Variants in PJA2 observed in about 807,000 individuals in gnomAD.
PJA2 encodes E3 ubiquitin-protein ligase Praja-2.
A neutral mutation model predicts 69.3 loss-of-function variants in PJA2; 25 were observed. The ratio of observed to expected loss-of-function variants is 0.36; its 90% CI spans 0.26 to 0.50. The LOEUF is 0.50. Ranked by LOEUF, PJA2 falls within the 20% of genes least tolerant of loss-of-function variation. The pLI is 0.96. For synonymous variants in PJA2, 308 were observed against 277.8 expected, an observed-to-expected ratio of 1.11 and a Z score of -1.08; for missense variants, 809 against 830.2, an observed-to-expected ratio of 0.97 and a Z score of 0.31.
chr5:109,356,029 G>GAAAA lies in PJA2; in HGVS notation c.1653-7_1653-4dup. 7.2e-7 allele frequency: 1 copy of GAAAA among 1,386,512 alleles called. No individual in the cohort carries two copies. The highest frequency in any genetic ancestry group is 1.5e-5 in the African/African-American group (1 of 66,820). The allele number at this position is 1,386,512 out of a possible 1,614,324, so 85.9% of individuals were successfully genotyped here. A position where few individuals can be genotyped will look rare whatever the true frequency, so the allele number is the denominator to read the frequency against. ...CATCTGCAAAGCCATCAAATAGGCT[G>GAAAA]AAAAAAAAAAAAAATAACAGAAAAA... On this transcript the variant is annotated splice_region_variant and splice_polypyrimidine_tract_variant and intron_variant, in intron 6 of 9. Coordinates refer to ENST00000361189, the MANE Select transcript of PJA2 (RefSeq NM_014819.5).
At chr5:109,339,102 T>C (rs1761995823) in intron 9 of PJA2, among the ~76,000 whole-genome samples, 1 of 115,254 alleles carries the variant, frequency 8.7e-6, no homozygotes, top group African/African-American at 4.9e-5. Context: ...GAAAAGTAAA[T>C]CTGAAGAAAC....
chr5:109,362,095 G>C (rs977147098), intron 6 of PJA2, among the ~76,000 whole-genome samples: 6 of 152,142 alleles, frequency 3.9e-5, no homozygotes, highest in Admixed American at 6.5e-5. Flanking sequence ...AAATATATTT[G>C]TACAGAGAAA....
chr5:109,395,129 C>T (rs185562248), intron 1 of PJA2, among the ~76,000 whole-genome samples: 1 of 152,268 alleles, frequency 6.6e-6, no homozygotes, highest in Admixed American at 6.5e-5. Context: ...CAACCCAGGT[C>T]AGAATTCTCA....
chr5:109,337,122 C>G lies in PJA2; in HGVS notation c.*109G>C. The G allele has an allele frequency of 9.6e-7, 1 of 1,036,600 alleles. No individual in the cohort carries two copies. The highest frequency in any genetic ancestry group is 1.3e-6 in the Non-Finnish European group (1 of 768,740). The allele number at this position is 1,036,600 out of a possible 1,614,324, so 64.2% of individuals were successfully genotyped here. ...TATTCTTTCTAAACTATGGCATATACTATATATAGCATTTTTAAATATATT... is the reference window on the plus strand; with the variant it reads ...TATTCTTTCTAAACTATGGCATATAGTATATATAGCATTTTTAAATATATT... On this transcript the variant is annotated 3_prime_UTR_variant, in exon 10 of 10. Coordinates refer to ENST00000361189, the MANE Select transcript of PJA2 (RefSeq NM_014819.5).
chr5:109,392,528 T>G (rs1747305062), intron 1 of PJA2, among the ~76,000 whole-genome samples: 1 of 132,400 alleles, frequency 7.6e-6, no homozygotes, highest in Admixed American at 8.7e-5. Context: ...CCCAATGCAC[T>G]CCAGCCTGGG....
Position 109,361,139 on chromosome 5 carries a change from C to A in PJA2, c.1652+1701G>T, listed in dbSNP as rs376964477. Among the ~76,000 whole-genome samples, 23 of 152,096 alleles carry A rather than the reference C, an allele frequency of 1.5e-4. No homozygotes were observed. In the South Asian group the frequency reaches 2.5e-3, roughly 16 times the overall value. On this transcript the variant is annotated intron_variant, in intron 6 of 9. Coordinates refer to ENST00000361189, the MANE Select transcript of PJA2 (RefSeq NM_014819.5). Reference sequence around the variant, plus strand: ...CGAGACTCCATCTCAAACAAACAAACAAATTATATTCAGTAAAGACTTCCA... The same window carrying A: ...CGAGACTCCATCTCAAACAAACAAAAAAATTATATTCAGTAAAGACTTCCA...
chr5:109,353,448 CTA>C (rs1762312739), intron 7 of PJA2, among the ~76,000 whole-genome samples: 2 of 119,186 alleles, frequency 1.7e-5, no homozygotes, highest in African/African-American at 5.8e-5. Context: ...ATATAGATAT[CTA>C]TATATTAGAT....
At chr5:109,407,383 C>A (rs1332704059) in intron 1 of PJA2, among the ~76,000 whole-genome samples, 1 of 151,990 alleles carries the variant, frequency 6.6e-6, no homozygotes, top group Non-Finnish European at 1.5e-5. Flanking sequence ...CTTGGAAAGC[C>A]AAGACTAGAA....
intron 7 of PJA2, among the ~76,000 whole-genome samples, chr5:109,354,359 ATATC>A (rs1762362465): frequency 8.4e-6 from 1 of 119,456 alleles, no homozygotes; most frequent in Non-Finnish European, 1.8e-5. Context: ...TTGGATATCT[ATATC>A]TAGAGATATC....
At chr5:109,367,726 C>T (rs1762608817) in intron 5 of PJA2, among the ~76,000 whole-genome samples, 1 of 152,140 alleles carries the variant, frequency 6.6e-6, no homozygotes, top group African/African-American at 2.4e-5. Context: ...ATTAAAATAA[C>T]AATAAACCAT....
At chr5:109,388,640 A>C (rs1025473542) in intron 1 of PJA2, among the ~76,000 whole-genome samples, 1 of 152,234 alleles carries the variant, frequency 6.6e-6, no homozygotes, top group African/African-American at 2.4e-5. Context: ...GCTGGGAGCC[A>C]GAAATAACTC....
At chr5:109,408,652 A>C (rs1747750407) in intron 1 of PJA2, among the ~76,000 whole-genome samples, 1 of 152,260 alleles carries the variant, frequency 6.6e-6, no homozygotes, top group Non-Finnish European at 1.5e-5. Flanking sequence ...GGATGAAAAG[A>C]AATATTTAAA....
At chr5:109,350,317 G>A (rs1420700428) in intron 7 of PJA2, among the ~76,000 whole-genome samples, 2 of 151,612 alleles carry the variant, frequency 1.3e-5, no homozygotes, top group African/African-American at 4.8e-5. Flanking sequence ...TATACCTTTA[G>A]GCAGTACAAT....
At position 109,344,872 on chromosome 5, in the gene PJA2, G is replaced by A. The variant is rs1762148019; in HGVS notation, c.1765-53C>T. The stretch of plus-strand genomic sequence containing the variant: ...TTAGAAATACTTTAAAACAGTAACA[G>A]AAAACTATTTTTAGGGTATCTCCAA... On this transcript the variant is annotated intron_variant, in intron 7 of 9. Transcript: ENST00000361189. The A allele has an allele frequency of 7.4e-6, 9 of 1,208,720 alleles. 1 individual carries two copies. The South Asian group carries it at 9.6e-5, about 13-fold the overall frequency. The allele number at this position is 1,208,720 out of a possible 1,614,324, so 74.9% of individuals were successfully genotyped here.
At position 109,344,692 on chromosome 5, in the gene PJA2, A is replaced by G. The variant is rs1762145188; in HGVS notation, c.1879+13T>C. 6 of 1,545,550 alleles carry G rather than the reference A, an allele frequency of 3.9e-6. No individual in the cohort carries two copies. The highest frequency in any genetic ancestry group is 5.4e-6 in the Non-Finnish European group (6 of 1,119,144). ...ATGTGTTCTTCAACATTTGAGATCA[A>G]CTTTGCCCTTACCAGTGTGATCTTC... On this transcript the variant is annotated intron_variant, in intron 8 of 9. Coordinates refer to ENST00000361189, the MANE Select transcript of PJA2 (RefSeq NM_014819.5).
intron 1 of PJA2, among the ~76,000 whole-genome samples, chr5:109,394,160 G>A (rs1293466680): frequency 6.9e-6 from 1 of 145,846 alleles, no homozygotes; most frequent in Admixed American, 7.4e-5. Flanking sequence ...CAAATCTCCT[G>A]CCTCAGCCTC....
At chr5:109,404,852 T>C (rs908596432) in intron 1 of PJA2, among the ~76,000 whole-genome samples, 2 of 152,212 alleles carry the variant, frequency 1.3e-5, no homozygotes, top group African/African-American at 2.4e-5. Flanking sequence ...CACTCAATAA[T>C]GAAAGATTCA....
intron 1 of PJA2, among the ~76,000 whole-genome samples, chr5:109,397,542 G>A (rs1561364973): frequency 6.6e-6 from 1 of 151,640 alleles, no homozygotes; most frequent in Admixed American, 6.6e-5. Context: ...TTTTTGAGAC[G>A]GAGTCTCGTT....
chr5:109,344,165 A>T, intron 9 of PJA2, 25 bp downstream of exon 9: 1 of 1,162,286 alleles, frequency 8.6e-7, no homozygotes, highest in Non-Finnish European at 1.1e-6. Context: ...AGTATTTTTA[A>T]ATTTTTAATT....
Sources: gnomAD v4.1 joint callset for allele counts (sites outside exome capture counted in the v4.1 genomes callset) on GRCh38, gnomAD v4.1.1 for gene constraint, MANE v1.5 for transcripts, NCBI Gene and HGNC (gene_info 2026-07-23, HGNC 2026-07-21) for gene names.